POF1B: variants seen among roughly 807,000 people sequenced by gnomAD.
POF1B encodes the protein POF1B actin binding protein, also known as protein POF1B.
Under a neutral mutation model 55.3 loss-of-function variants are expected in POF1B, and 53 were observed. The observed-to-expected ratio is 0.96, with a 90% CI of 0.77 to 1.20. The LOEUF is 1.20. Among genes scored for constraint, POF1B ranks in the 50% most tolerant of loss-of-function variants. The pLI is 0.00. For missense variants in POF1B, 478 were observed against 420.5 expected (o/e 1.14, Z -1.20); for synonymous variants, 188 against 148.3 (o/e 1.27, Z -1.95).
chrX:85,332,063 A>G (rs774153667), intron 6 of POF1B, among the ~76,000 whole-genome samples: 1 of 111,849 alleles, frequency 8.9e-6, no homozygotes, highest in African/African-American at 3.2e-5. Flanking sequence ...GCTGCAATCA[A>G]CATGGAAGTG....
intron 5 of POF1B, among the ~76,000 whole-genome samples, chrX:85,347,400 T>G (rs181901285): frequency 9.0e-6 from 1 of 111,282 alleles, no homozygotes; most frequent in Non-Finnish European, 1.9e-5. Flanking sequence ...AATGAAATAG[T>G]ATACTCTTTC....
intron 6 of POF1B, among the ~76,000 whole-genome samples, chrX:85,337,230 G>C (rs1156363494): frequency 9.0e-6 from 1 of 111,346 alleles, no homozygotes; most frequent in East Asian, 2.8e-4. Context: ...AGTCAGTTGA[G>C]TTCTGCCCAA....
intron 15 of POF1B, among the ~76,000 whole-genome samples, chrX:85,291,047 C>T (rs1027143374): frequency 3.6e-5 from 4 of 111,850 alleles, no homozygotes; most frequent in Admixed American, 9.5e-5. Flanking sequence ...AGATTGTCTT[C>T]CAGGAATTTT....
At position 85,330,989 on chromosome X, in the gene POF1B, A is replaced by G; in HGVS notation, c.814T>C (p.Tyr272His). ...TGCAAATGTTCTAATAAGCAGTGAT[A>G]TAGATCCGTATTCTTACGGCTCAGA... ...ADLSRKNTDL[Y>H]HCLLEHLQRI... Residue 272 changes from tyrosine to histidine, a missense_variant, in exon 7 of 17, where the codon TAT (tyrosine) becomes CAT (histidine). Coordinates refer to ENST00000262753, the MANE Select transcript of POF1B (RefSeq NM_024921.4). 8.3e-7 allele frequency: 1 copy of G among 1,203,560 alleles called. No homozygotes were observed. Among genetic ancestry groups the G allele is most frequent in the Non-Finnish European group, 1.1e-6 (1 of 891,002 alleles).
chrX:85,318,678 G>C (rs1371703419), intron 7 of POF1B, among the ~76,000 whole-genome samples: 3 of 111,556 alleles, frequency 2.7e-5, no homozygotes, highest in Admixed American at 9.6e-5. Context: ...TCAGATAGTT[G>C]TAGGTGTTTG....
chrX:85,373,836 G>C (rs775323214), intron 2 of POF1B, among the ~76,000 whole-genome samples: 26 of 111,378 alleles, frequency 2.3e-4, no homozygotes, highest in Non-Finnish European at 3.2e-4. Context: ...TGTCTAGATT[G>C]GTGAGGGTGA....
intron 2 of POF1B, among the ~76,000 whole-genome samples, chrX:85,372,329 G>A (rs1297139089): frequency 1.1e-5 from 1 of 93,071 alleles, no homozygotes; most frequent in Non-Finnish European, 2.1e-5. Context: ...GGGCGACAGA[G>A]CGAGACTCTG....
chrX:85,331,023 C>A lies in POF1B; in HGVS notation c.780G>T (p.Leu260Phe). The change falls in exon 7 of 17, where the codon TTG (leucine) becomes TTT (phenylalanine). Residue 260 changes from leucine to phenylalanine, a missense_variant. Leu to Phe is a conservative substitution (Grantham distance 22). Transcript: ENST00000262753. ...TATTCTTACGGCTCAGATCAGCAAGCAACTCTCCAAAATATCTGGGGTCCA... is the reference window on the plus strand; with the variant it reads ...TATTCTTACGGCTCAGATCAGCAAGAAACTCTCCAAAATATCTGGGGTCCA... ...EKLDPRYFGE[L>F]LADLSRKNTD... The A allele has an allele frequency of 8.3e-7, 1 of 1,205,820 alleles. No homozygotes were observed.
chrX:85,348,173 G>C (rs754677799), intron 5 of POF1B, among the ~76,000 whole-genome samples: 20 of 111,018 alleles, frequency 1.8e-4, no homozygotes, highest in Non-Finnish European at 2.8e-4. Context: ...GTCTACCTGA[G>C]CCCATTTGGC....
At chrX:85,295,688 T>C (rs758119756) in intron 15 of POF1B, among the ~76,000 whole-genome samples, 17 of 111,954 alleles carry the variant, frequency 1.5e-4, no homozygotes, top group Non-Finnish European at 2.6e-4. Context: ...AGTGGAAGTC[T>C]GTTTTGTGGT....
intron 12 of POF1B, 79 bp downstream of exon 12, chrX:85,306,102 G>C (rs1932567293): frequency 2.0e-6 from 2 of 1,003,771 alleles, no homozygotes; most frequent in Admixed American, 2.6e-5. Flanking sequence ...AGGGAAAGCA[G>C]TCCATATGTT....
chrX:85,368,353 GC>G (rs1933764815), intron 2 of POF1B, among the ~76,000 whole-genome samples: 1 of 110,840 alleles, frequency 9.0e-6, no homozygotes, highest in South Asian at 3.7e-4. Context: ...CACGTTGCAT[GC>G]CTGTATCAGA....
chrX:85,362,456 A>T (rs1411567875), intron 3 of POF1B, among the ~76,000 whole-genome samples: 1 of 111,762 alleles, frequency 8.9e-6, no homozygotes, highest in Non-Finnish European at 1.9e-5. Flanking sequence ...AACATGAAGC[A>T]ATGTTAAATT....
chrX:85,360,585 ATC>A (rs1933598881), intron 3 of POF1B, among the ~76,000 whole-genome samples: 1 of 91,355 alleles, frequency 1.1e-5, no homozygotes, highest in Non-Finnish European at 2.0e-5. Context: ...TCTTTATCCA[ATC>A]TGTCATTATT....
chrX:85,304,359 A>T lies in POF1B; in HGVS notation c.1550T>A (p.Ile517Lys), dbSNP rs772549724. 22 of 1,190,023 alleles carry T rather than the reference A, an allele frequency of 1.8e-5. No homozygotes were observed. The highest frequency in any genetic ancestry group is 2.4e-5 in the Non-Finnish European group (21 of 884,125). Residue 517 changes from isoleucine (I) to lysine (K), a missense_variant, in exon 14 of 17, where the codon ATA becomes AAA. Physicochemically the swap from Ile to Lys is moderately radical, Grantham distance 102. Transcript: ENST00000262753. ...CTTTTATACCTCTGACTGACGCTTT[A>T]TGAGGGAATCCTTCTCTTCCAGCAA... ...TSLLEEKDSL[I>K]KRQSEELSKL... is the part of the protein sequence containing the mutation.
At chrX:85,360,193 G>C (rs1293525710) in intron 3 of POF1B, among the ~76,000 whole-genome samples, 1 of 107,594 alleles carries the variant, frequency 9.3e-6, no homozygotes, top group Non-Finnish European at 1.9e-5. Context: ...GAGAACATAT[G>C]CAGGTTTGTT....
At chrX:85,286,490 T>A (rs1028965800) in intron 15 of POF1B, among the ~76,000 whole-genome samples, 1 of 111,316 alleles carries the variant, frequency 9.0e-6, no homozygotes, top group African/African-American at 3.3e-5. Context: ...AAAGCAAAGA[T>A]TGTTAAATTT....
intron 2 of POF1B, among the ~76,000 whole-genome samples, chrX:85,371,137 G>T (rs1244706142): frequency 9.0e-6 from 1 of 111,181 alleles, no homozygotes; most frequent in Admixed American, 9.6e-5. Flanking sequence ...TGTAATACTG[G>T]TCAACTCATG....
At chrX:85,334,948 A>G (rs1474633980) in intron 6 of POF1B, among the ~76,000 whole-genome samples, 1 of 111,635 alleles carries the variant, frequency 9.0e-6, no homozygotes, top group African/African-American at 3.2e-5. Context: ...TGAGCTATCT[A>G]TATTCTCTTG....
Sources: allele counts gnomAD v4.1 joint callset (sites outside exome capture counted in the v4.1 genomes callset), GRCh38; gene constraint gnomAD v4.1.1; transcripts MANE v1.5; gene names NCBI Gene and HGNC (gene_info 2026-07-23, HGNC 2026-07-21).